Variants in PHF14 observed in about 807,000 individuals in gnomAD.
PHF14 encodes PHD finger protein 14.
PHF14 carries 55 observed loss-of-function variants against 117.9 expected under a neutral mutation model. That is an observed-to-expected ratio of 0.47 (90% CI 0.38 to 0.58). The LOEUF is 0.58. Ranked by LOEUF, PHF14 falls within the 20% of genes least tolerant of loss-of-function variation. PHF14 has a pLI of 0.00. For synonymous variants in PHF14, 409 were observed against 368.6 expected, an observed-to-expected ratio of 1.11 and a Z score of -1.26; for missense variants, 978 against 1,122.2, an observed-to-expected ratio of 0.87 and a Z score of 1.84.
At chr7:11,019,676 TCAAAATACTA>T (rs1397495673) in intron 5 of PHF14, among the ~76,000 whole-genome samples, 1 of 152,210 alleles carries the variant, frequency 6.6e-6, no homozygotes, top group Non-Finnish European at 1.5e-5. Flanking sequence ...GTTTACCTTT[TCAAAATACTA>T]ACATTTTGTT....
intron 14 of PHF14, among the ~76,000 whole-genome samples, chr7:11,059,846 A>T (rs1486405128): frequency 6.6e-6 from 1 of 152,136 alleles, no homozygotes; most frequent in Non-Finnish European, 1.5e-5. Context: ...GGGAAAAATA[A>T]TTTAAACTTT....
Position 11,067,317 on chromosome 7 carries a change from C to T in PHF14, c.2654+5232C>T, listed in dbSNP as rs1189606999. The stretch of plus-strand genomic sequence containing the variant: ...AAATAAATAAATAAACAGAAAATAA[C>T]AGGTGTTGGCAAGGATGTGGAGAAA... On this transcript the variant is annotated intron_variant, in intron 16 of 17. Coordinates refer to ENST00000634607, the MANE Select transcript of PHF14 (RefSeq NM_001007157.2). 3.3e-5 allele frequency among the ~76,000 whole-genome samples: 5 copies of T among 152,106 alleles called. No individual in the cohort carries two copies. The South Asian group carries it at 1.0e-3, about 31-fold the overall frequency.
intron 17 of PHF14, among the ~76,000 whole-genome samples, chr7:11,165,765 GA>G (rs1390507705): frequency 7.2e-5 from 11 of 152,144 alleles, no homozygotes; most frequent in Admixed American, 7.2e-4. Flanking sequence ...TATAAATAAA[GA>G]AAAACCGAGG....
intron 16 of PHF14, chr7:11,102,397 T>A: frequency 7.2e-7 from 1 of 1,387,192 alleles, no homozygotes; most frequent in Non-Finnish European, 1.0e-6. Flanking sequence ...GAATCTACTG[T>A]GGTTTGTTAG....
intron 16 of PHF14, chr7:11,102,894 A>G (rs1182170132): frequency 5.4e-6 from 6 of 1,120,978 alleles, no homozygotes; most frequent in Non-Finnish European, 6.6e-6. Context: ...GTTGATACAC[A>G]GTGTTTGGAC....
chr7:11,103,183 G>A, intron 16 of PHF14: 2 of 975,206 alleles, frequency 2.1e-6, no homozygotes, highest in Non-Finnish European at 2.4e-6. Context: ...GTCCTAGTGT[G>A]AAAGCATTAA....
At position 11,096,761 on chromosome 7, in the gene PHF14, C is replaced by T. The variant is rs1000081208; in HGVS notation, c.2655-14589C>T. Among the ~76,000 whole-genome samples the T allele has an allele frequency of 3.2e-4, 49 of 152,110 alleles. 1 individual carries two copies. Among genetic ancestry groups the T allele is most frequent in the Non-Finnish European group, 1.5e-4 (10 of 68,012 alleles). On this transcript the variant is annotated intron_variant, in intron 16 of 17. Coordinates refer to ENST00000634607, the MANE Select transcript of PHF14 (RefSeq NM_001007157.2). The stretch of plus-strand genomic sequence containing the variant: ...AACTCAAGATAATCTTCCCACAGGA[C>T]AGTCATGGTGATTAATAAGGAACTA...
At position 11,036,491 on chromosome 7, in the gene PHF14, G is replaced by A; in HGVS notation, c.1676G>A (p.Trp559Ter). 6.2e-7 allele frequency: 1 copy of A among 1,613,868 alleles called. No homozygotes were observed. Among genetic ancestry groups the A allele is most frequent in the Non-Finnish European group, 8.5e-7 (1 of 1,179,774 alleles). ...GCTCGATCTACCAGACCCCAGGCCTGGGTTCCAAGGGAAAAATTGCCCAGA... is the reference window on the plus strand; with the variant it reads ...GCTCGATCTACCAGACCCCAGGCCTAGGTTCCAAGGGAAAAATTGCCCAGA... ...ELARSTRPQA[W>*]VPREKLPRPL... Residue 559 changes from tryptophan (W) to a stop codon, truncating the protein, a stop_gained, in exon 9 of 18, where the codon TGG (tryptophan) becomes TAG (stop). Coordinates refer to ENST00000634607, the MANE Select transcript of PHF14 (RefSeq NM_001007157.2). LOFTEE classifies it high-confidence loss of function.
intron 12 of PHF14, among the ~76,000 whole-genome samples, chr7:11,041,730 T>G (rs982921412): frequency 2.6e-5 from 4 of 151,982 alleles, no homozygotes; most frequent in African/African-American, 9.7e-5. Context: ...TTTGGAACCA[T>G]CAGGCAATAT....
intron 17 of PHF14, among the ~76,000 whole-genome samples, chr7:11,122,997 TC>T (rs1046980276): frequency 3.3e-5 from 5 of 152,232 alleles, no homozygotes; most frequent in African/African-American, 9.6e-5. Flanking sequence ...GGTAATTTCC[TC>T]CTTTTAAAAA....
intron 3 of PHF14, among the ~76,000 whole-genome samples, chr7:10,984,610 A>G (rs1219799956): frequency 6.6e-6 from 1 of 152,166 alleles, no homozygotes; most frequent in Non-Finnish European, 1.5e-5. Context: ...CTTCATTTTT[A>G]TTAGGTTGAT....
At chr7:11,041,059 A>G (rs1006998834) in intron 12 of PHF14, among the ~76,000 whole-genome samples, 3 of 151,824 alleles carry the variant, frequency 2.0e-5, no homozygotes, top group Non-Finnish European at 2.9e-5. Context: ...AATTTAAACA[A>G]TATAAAAGAT....
intron 16 of PHF14, chr7:11,106,743 G>T: frequency 3.0e-6 from 3 of 983,784 alleles, no homozygotes; most frequent in Non-Finnish European, 3.6e-6. Flanking sequence ...TAATTTTTTT[G>T]AACATTCTTG....
chr7:11,100,893 A>G (rs1056432779), intron 16 of PHF14, among the ~76,000 whole-genome samples: 3 of 152,014 alleles, frequency 2.0e-5, no homozygotes, highest in African/African-American at 7.2e-5. Context: ...CAAAAAAAGT[A>G]GATACTTCCT....
At chr7:11,025,535 T>G (rs1783876968) in intron 6 of PHF14, among the ~76,000 whole-genome samples, 1 of 152,170 alleles carries the variant, frequency 6.6e-6, no homozygotes, top group African/African-American at 2.4e-5. Flanking sequence ...GGCTCACACC[T>G]GTAATCCCAG....
rs144345552 is a variant in PHF14 at position 11,097,142 on chromosome 7, G to A, written c.2655-14208G>A. On this transcript the variant is annotated intron_variant, in intron 16 of 17. Coordinates refer to ENST00000634607, the MANE Select transcript of PHF14 (RefSeq NM_001007157.2). ...TTACAGGCATGCACCACCATGCCCG[G>A]CTAATTTTATATTTGTAGTAGAGAT... 9.7e-3 allele frequency among the ~76,000 whole-genome samples: 1,471 copies of A among 151,912 alleles called. 20 individuals carry two copies. The highest frequency in any genetic ancestry group is 0.034 in the African/African-American group (1,398 of 41,442).
At chr7:11,163,470 G>T (rs1057211260) in intron 17 of PHF14, among the ~76,000 whole-genome samples, 5 of 152,104 alleles carry the variant, frequency 3.3e-5, no homozygotes, top group African/African-American at 1.2e-4. Flanking sequence ...GTCTTCAATT[G>T]CTCATTCAAT....
chr7:11,023,738 G>A (rs931052410), intron 6 of PHF14, among the ~76,000 whole-genome samples: 1 of 152,198 alleles, frequency 6.6e-6, no homozygotes, highest in African/African-American at 2.4e-5. Flanking sequence ...TGAGGCAGGA[G>A]AATCGCTTGA....
At chr7:11,035,080 GA>G (rs2128321982) in intron 7 of PHF14, among the ~76,000 whole-genome samples, 2 of 150,640 alleles carry the variant, frequency 1.3e-5, no homozygotes, top group East Asian at 3.9e-4. Flanking sequence ...CACATTCTTA[GA>G]TTCAACCAAC....
Sources: gnomAD v4.1 joint callset for allele counts (sites outside exome capture counted in the v4.1 genomes callset) on GRCh38, gnomAD v4.1.1 for gene constraint, MANE v1.5 for transcripts, NCBI Gene and HGNC (gene_info 2026-07-23, HGNC 2026-07-21) for gene names.